The following PRKN variants were observed in gnomAD, a reference collection of about 807,000 sequenced individuals.
PRKN encodes E3 ubiquitin-protein ligase parkin.
In PRKN, 56 loss-of-function variants were observed where a neutral mutation model predicts 59.5. That is an observed-to-expected ratio of 0.94 (90% CI 0.76 to 1.18). The LOEUF (loss-of-function observed/expected upper bound fraction) is 1.18, where lower values mean the gene tolerates loss of function less well. Ranked by LOEUF, PRKN falls within the 50% of genes most tolerant of loss-of-function variation. The pLI is 0.00. For missense variants in PRKN, 657 were observed against 596.4 expected, an observed-to-expected ratio of 1.10 and a Z score of -1.06; for synonymous variants, 250 against 222.1, an observed-to-expected ratio of 1.13 and a Z score of -1.12.
chr6:162,092,350 GAAAAAAT>G (rs929259188), intron 4 of PRKN, among the ~76,000 whole-genome samples: 1 of 150,628 alleles, frequency 6.6e-6, no homozygotes, highest in African/African-American at 2.5e-5. Context: ...TGAGTCTAAT[GAAAAAAT>G]AAAAAATAAA....
chr6:161,770,452 CTTTATTTA>C (rs36204395), intron 7 of PRKN, among the ~76,000 whole-genome samples: 50,708 of 150,878 alleles, frequency 0.34, 8,615 homozygotes, highest in South Asian at 0.45. Context: ...GCAATAGAGC[CTTTATTTA>C]TTTATTTATT....
At chr6:161,768,918 A>G (rs1176788046) in intron 7 of PRKN, among the ~76,000 whole-genome samples, 1 of 152,228 alleles carries the variant, frequency 6.6e-6, no homozygotes, top group African/African-American at 2.4e-5. Context: ...TAATGCCGCT[A>G]TTTATACTCC....
At chr6:161,826,844 G>A (rs917745397) in intron 6 of PRKN, among the ~76,000 whole-genome samples, 22 of 152,198 alleles carry the variant, frequency 1.4e-4, no homozygotes, top group Admixed American at 1.4e-3. Flanking sequence ...ATGCATGATC[G>A]AAATAGCCTC....
chr6:162,068,922 A>G (rs1778453745), intron 4 of PRKN, among the ~76,000 whole-genome samples: 1 of 152,214 alleles, frequency 6.6e-6, no homozygotes, highest in Non-Finnish European at 1.5e-5. Context: ...TTAAAGTTTC[A>G]GAAATGGTAA....
intron 7 of PRKN, among the ~76,000 whole-genome samples, chr6:161,627,476 C>A (rs1783132554): frequency 6.6e-6 from 1 of 152,192 alleles, no homozygotes; most frequent in South Asian, 2.1e-4. Context: ...CTATAAAGAA[C>A]AAGAGGAGTG....
At chr6:161,810,823 C>T (rs909850833) in intron 6 of PRKN, among the ~76,000 whole-genome samples, 46 of 152,098 alleles carry the variant, frequency 3.0e-4, no homozygotes, top group Non-Finnish European at 4.0e-4. Context: ...AAATTCAACA[C>T]GATGTATGCT....
intron 2 of PRKN, among the ~76,000 whole-genome samples, chr6:162,292,215 C>T (rs942162888): frequency 2.6e-5 from 4 of 152,048 alleles, no homozygotes; most frequent in African/African-American, 7.2e-5. Context: ...CTGCCCACCT[C>T]GGCCTCCCAA....
At chr6:161,696,489 G>C (rs554534478) in intron 7 of PRKN, among the ~76,000 whole-genome samples, 2 of 152,186 alleles carry the variant, frequency 1.3e-5, no homozygotes, top group African/African-American at 2.4e-5. Context: ...GTTGAGGAAC[G>C]TATCTAAATC....
At chr6:161,951,826 G>C (rs1257955277) in intron 6 of PRKN, among the ~76,000 whole-genome samples, 1 of 151,954 alleles carries the variant, frequency 6.6e-6, no homozygotes. Context: ...GGAGGCTGAG[G>C]CAGGAGAATT....
intron 7 of PRKN, among the ~76,000 whole-genome samples, chr6:161,605,903 G>A (rs928541694): frequency 6.6e-5 from 10 of 152,136 alleles, no homozygotes; most frequent in Non-Finnish European, 1.2e-4. Context: ...TCAGCCAGAG[G>A]AGAAAATAGG....
intron 2 of PRKN, among the ~76,000 whole-genome samples, chr6:162,329,265 C>A (rs1783463778): frequency 6.6e-6 from 1 of 151,772 alleles, no homozygotes; most frequent in Non-Finnish European, 1.5e-5. Flanking sequence ...ACGGGGGACC[C>A]AGCAGTCCTT....
At chr6:162,532,265 T>C (rs143354861) in intron 1 of PRKN, among the ~76,000 whole-genome samples, 259 of 124,230 alleles carry the variant, frequency 2.1e-3, no homozygotes, top group African/African-American at 6.6e-3. Flanking sequence ...TCTTTACTGC[T>C]ATTAGTGAAA....
At chr6:162,619,512 TAACTA>T (rs1782570153) in intron 1 of PRKN, among the ~76,000 whole-genome samples, 2 of 152,118 alleles carry the variant, frequency 1.3e-5, no homozygotes, top group African/African-American at 2.4e-5. Context: ...GACAGCCTCT[TAACTA>T]ATGATTCGCA....
chr6:162,479,019 T>G (rs1468267251), intron 1 of PRKN, among the ~76,000 whole-genome samples: 5 of 151,834 alleles, frequency 3.3e-5, no homozygotes, highest in African/African-American at 1.2e-4. Context: ...ACGCTAAAGT[T>G]AGAAAAAAAC....
At chr6:161,720,011 C>T (rs1334666553) in intron 7 of PRKN, among the ~76,000 whole-genome samples, 2 of 152,176 alleles carry the variant, frequency 1.3e-5, no homozygotes, top group African/African-American at 4.8e-5. Flanking sequence ...CCCGTTTGCA[C>T]TATGCTCCAG....
intron 1 of PRKN, among the ~76,000 whole-genome samples, chr6:162,644,130 G>A (rs1161240861): frequency 1.3e-5 from 2 of 152,086 alleles, no homozygotes; most frequent in Non-Finnish European, 2.9e-5. Flanking sequence ...CAATGGAGAT[G>A]CACAAGTTGC....
chr6:162,234,814 C>T (rs1366364563), intron 3 of PRKN, among the ~76,000 whole-genome samples: 1 of 152,136 alleles, frequency 6.6e-6, no homozygotes, highest in Non-Finnish European at 1.5e-5. Context: ...GAAGAGCTGT[C>T]CTGTGGGAGA....
Position 162,593,434 on chromosome 6 carries a change from A to G in PRKN, c.7+134228T>C, listed in dbSNP as rs943996584. On this transcript the variant is annotated intron_variant, in intron 1 of 11. Transcript: ENST00000366898. ...TCTATCAATATCAATAATGAAAGCC[A>G]TTCCATCAAACTTATAAACTTTATT... 2.0e-5 allele frequency among the ~76,000 whole-genome samples: 3 copies of G among 152,334 alleles called. No homozygotes were observed. In the South Asian group the frequency reaches 6.2e-4, roughly 32 times the overall value.
At chr6:162,671,597 G>C (rs996987247) in intron 1 of PRKN, among the ~76,000 whole-genome samples, 6 of 151,274 alleles carry the variant, frequency 4.0e-5, no homozygotes, top group Admixed American at 2.0e-4. Flanking sequence ...CAAGTACTTT[G>C]AAACATTTGT....
Sources: gnomAD v4.1 joint callset for allele counts (sites outside exome capture counted in the v4.1 genomes callset) on GRCh38, gnomAD v4.1.1 for gene constraint, MANE v1.5 for transcripts, NCBI Gene and HGNC (gene_info 2026-07-23, HGNC 2026-07-21) for gene names.